SLC24A2: variants seen among roughly 807,000 people sequenced by gnomAD.
SLC24A2 encodes sodium/potassium/calcium exchanger 2.
SLC24A2 carries 36 observed loss-of-function variants against 62.0 expected under a neutral mutation model. That is an observed-to-expected ratio of 0.58 (90% CI 0.44 to 0.77). The LOEUF (loss-of-function observed/expected upper bound fraction) is 0.77. SLC24A2 is among the 30% of genes least tolerant of loss of function. SLC24A2 has a pLI of 0.00. For missense variants in SLC24A2, 846 were observed against 817.9 expected (o/e 1.03, Z -0.42); for synonymous variants, 358 against 294.0 (o/e 1.22, Z -2.23).
At chr9:19,603,595 C>T (rs1285610681) in intron 4 of SLC24A2, among the ~76,000 whole-genome samples, 1 of 152,102 alleles carries the variant, frequency 6.6e-6, no homozygotes, top group Admixed American at 6.6e-5. Flanking sequence ...TAAATATCTT[C>T]AATTCTGTCT....
intron 5 of SLC24A2, among the ~76,000 whole-genome samples, chr9:19,585,732 C>T (rs541663230): frequency 6.6e-6 from 1 of 152,218 alleles, no homozygotes; most frequent in East Asian, 1.9e-4. Context: ...GCAGCTTTGC[C>T]CTCCAGTTCC....
chr9:19,676,813 TA>T (rs1233539286), intron 2 of SLC24A2, among the ~76,000 whole-genome samples: 1 of 152,230 alleles, frequency 6.6e-6, no homozygotes, highest in Non-Finnish European at 1.5e-5. Context: ...ATTTAATAGT[TA>T]ATTTCTTAAC....
At chr9:19,969,394 A>G in the SLC24A2 span, among the ~76,000 whole-genome samples, 2 of 152,216 alleles carry the variant, frequency 1.3e-5, no homozygotes, top group East Asian at 1.9e-4. Flanking sequence ...AAGTCATTTC[A>G]GTCTCACTAT....
chr9:20,019,134 A>AAAGT, the SLC24A2 span, among the ~76,000 whole-genome samples: 1 of 134,082 alleles, frequency 7.5e-6, no homozygotes, highest in African/African-American at 3.0e-5. Flanking sequence ...AGAAAGAAAG[A>AAAGT]AAGAAAGAAA....
chr9:20,260,861 T>TTTTTTTTTC, the SLC24A2 span, among the ~76,000 whole-genome samples: 1 of 144,518 alleles, frequency 6.9e-6, no homozygotes, highest in Non-Finnish European at 1.5e-5. Context: ...TTTTTTTTTT[T>TTTTTTTTTC]TTTTTTTTTT....
At chr9:19,868,509 G>A in the SLC24A2 span, among the ~76,000 whole-genome samples, 2 of 152,198 alleles carry the variant, frequency 1.3e-5, no homozygotes, top group African/African-American at 4.8e-5. Context: ...TTTGATTAAT[G>A]ATGTTGTGCA....
chr9:19,983,209 A>T, the SLC24A2 span, among the ~76,000 whole-genome samples: 16 of 152,210 alleles, frequency 1.1e-4, no homozygotes, highest in Non-Finnish European at 2.4e-4. Context: ...GGAATGAAAG[A>T]CATAAAACTA....
chr9:19,944,802 A>C, the SLC24A2 span, among the ~76,000 whole-genome samples: 1 of 152,168 alleles, frequency 6.6e-6, no homozygotes, highest in Non-Finnish European at 1.5e-5. Context: ...TGTCTTCGTT[A>C]ATCTGTTCAT....
chr9:20,104,103 T>G, the SLC24A2 span, among the ~76,000 whole-genome samples: 2 of 152,030 alleles, frequency 1.3e-5, no homozygotes, highest in South Asian at 4.2e-4. Flanking sequence ...GTATCAGTGA[T>G]GGAAGATGAA....
chr9:19,831,254 AT>A, the SLC24A2 span, among the ~76,000 whole-genome samples: 1 of 152,220 alleles, frequency 6.6e-6, no homozygotes, highest in Non-Finnish European at 1.5e-5. Flanking sequence ...CACTAGCTAG[AT>A]TAAGTACCTT....
chr9:20,206,234 A>C, the SLC24A2 span, among the ~76,000 whole-genome samples: 1 of 152,206 alleles, frequency 6.6e-6, no homozygotes, highest in Non-Finnish European at 1.5e-5. Context: ...ATATTAAAAT[A>C]ATCTCCCCAT....
chr9:19,986,824 CTTTTGGGGTGAT>C, the SLC24A2 span, among the ~76,000 whole-genome samples: 1 of 151,942 alleles, frequency 6.6e-6, no homozygotes, highest in Non-Finnish European at 1.5e-5. Flanking sequence ...TATAGATTTA[CTTTTGGGGTGAT>C]AATAATGTGT....
At chr9:19,888,757 G>A in the SLC24A2 span, among the ~76,000 whole-genome samples, 3 of 152,164 alleles carry the variant, frequency 2.0e-5, no homozygotes, top group Non-Finnish European at 4.4e-5. Flanking sequence ...TCTAGTCGTG[G>A]CCTGAAGTTG....
intron 4 of SLC24A2, among the ~76,000 whole-genome samples, chr9:19,607,212 A>C (rs193118164): frequency 1.4e-4 from 22 of 152,278 alleles, no homozygotes; most frequent in African/African-American, 5.1e-4. Flanking sequence ...GTGCTTCTTC[A>C]CCTTCAGTGA....
the SLC24A2 span, among the ~76,000 whole-genome samples, chr9:20,230,418 T>C: frequency 1.3e-5 from 2 of 152,228 alleles, no homozygotes; most frequent in African/African-American, 2.4e-5. Flanking sequence ...TTTTTAATGA[T>C]TGCCATTCTG....
At chr9:19,757,614 C>G (rs1822182443) in intron 2 of SLC24A2, among the ~76,000 whole-genome samples, 1 of 152,136 alleles carries the variant, frequency 6.6e-6, no homozygotes, top group African/African-American at 2.4e-5. Flanking sequence ...CCCCAATAAG[C>G]CAGTGGAATT....
At chr9:19,517,939 A>ACT (rs1833010034) in intron 10 of SLC24A2, among the ~76,000 whole-genome samples, 1 of 148,940 alleles carries the variant, frequency 6.7e-6, no homozygotes. Flanking sequence ...ACACACACAC[A>ACT]CACACACACA....
At chr9:20,241,368 G>T in the SLC24A2 span, among the ~76,000 whole-genome samples, 2 of 152,132 alleles carry the variant, frequency 1.3e-5, no homozygotes, top group Non-Finnish European at 2.9e-5. Context: ...GGTCCACTAG[G>T]GAAGCATGTA....
the SLC24A2 span, among the ~76,000 whole-genome samples, chr9:20,246,306 A>G: frequency 6.6e-6 from 1 of 152,164 alleles, no homozygotes; most frequent in Non-Finnish European, 1.5e-5. Context: ...AATTTTGGTA[A>G]AGCAAAAATT....
Sources: allele counts gnomAD v4.1 joint callset (sites outside exome capture counted in the v4.1 genomes callset), GRCh38; gene constraint gnomAD v4.1.1; transcripts MANE v1.5; gene names NCBI Gene and HGNC (gene_info 2026-07-23, HGNC 2026-07-21).